NRG1: variants seen among roughly 807,000 people sequenced by gnomAD.
The protein encoded by NRG1 is pro-neuregulin-1, membrane-bound isoform.
Under a neutral mutation model 63.8 loss-of-function variants are expected in NRG1, and 18 were observed. That is an observed-to-expected ratio of 0.28 (90% CI 0.19 to 0.42). The LOEUF is 0.42. Ranked by LOEUF, NRG1 falls within the 10% of genes least tolerant of loss-of-function variation. The pLI, the probability that NRG1 is intolerant of heterozygous loss-of-function variation, is 1.00. For synonymous variants in NRG1, 302 were observed against 301.3 expected (o/e 1.00, Z -0.02); for missense variants, 762 against 814.7 (o/e 0.94, Z 0.79).
At chr8:32,088,818 C>G (rs540375344) in intron 1 of NRG1, among the ~76,000 whole-genome samples, 4 of 152,108 alleles carry the variant, frequency 2.6e-5, no homozygotes, top group African/African-American at 7.2e-5. Context: ...GCGCCTGGCC[C>G]AGGTCATCAC....
chr8:32,725,464 A>AT (rs71209904), intron 5 of NRG1, among the ~76,000 whole-genome samples: 969 of 67,586 alleles, frequency 0.014, 71 homozygotes, highest in African/African-American at 0.023. Context: ...AAACTTCCTA[A>AT]TTTTTTTTTT....
chr8:32,690,494 AGTACCTC>A (rs1324400422), intron 5 of NRG1, among the ~76,000 whole-genome samples: 1 of 152,160 alleles, frequency 6.6e-6, no homozygotes, highest in Non-Finnish European at 1.5e-5. Flanking sequence ...GCCTCAGCTA[AGTACCTC>A]CTGCTGCATT....
At chr8:32,048,115 G>C (rs540571104) in intron 1 of NRG1, among the ~76,000 whole-genome samples, 1 of 151,730 alleles carries the variant, frequency 6.6e-6, no homozygotes, top group African/African-American at 2.4e-5. Flanking sequence ...ATTTTATTTT[G>C]TATATGTAAC....
At chr8:32,189,325 C>G (rs762740564) in intron 1 of NRG1, among the ~76,000 whole-genome samples, 1 of 151,972 alleles carries the variant, frequency 6.6e-6, no homozygotes, top group African/African-American at 2.4e-5. Flanking sequence ...TAAGTGAGAA[C>G]GTGTAGTATT....
chr8:31,649,231 G>A (rs977510448), intron 1 of NRG1, among the ~76,000 whole-genome samples: 4 of 152,186 alleles, frequency 2.6e-5, no homozygotes, highest in East Asian at 1.9e-4. Flanking sequence ...CTGGATTACA[G>A]GAGTGAGCCA....
At chr8:32,299,612 C>A (rs1189879211) in intron 1 of NRG1, among the ~76,000 whole-genome samples, 2 of 152,092 alleles carry the variant, frequency 1.3e-5, no homozygotes, top group African/African-American at 4.8e-5. Context: ...CAAGACTGGG[C>A]AATTTATAAA....
chr8:31,846,088 C>A (rs1182460968), intron 1 of NRG1, among the ~76,000 whole-genome samples: 1 of 152,182 alleles, frequency 6.6e-6, no homozygotes, highest in East Asian at 1.9e-4. Context: ...GCAGGGTAAG[C>A]AATCTTTTCA....
intron 1 of NRG1, among the ~76,000 whole-genome samples, chr8:32,175,282 C>T (rs1473491969): frequency 2.0e-5 from 3 of 152,146 alleles, no homozygotes; most frequent in Admixed American, 6.5e-5. Flanking sequence ...AATTCAACAA[C>T]TCTTCATGCT....
chr8:32,376,356 T>C (rs527602705), intron 1 of NRG1, among the ~76,000 whole-genome samples: 1 of 152,156 alleles, frequency 6.6e-6, no homozygotes, highest in Non-Finnish European at 1.5e-5. Flanking sequence ...ACTCTTTTTT[T>C]CTTTGGGGAG....
chr8:32,305,824 G>A (rs531839894), intron 1 of NRG1, among the ~76,000 whole-genome samples: 1 of 152,296 alleles, frequency 6.6e-6, no homozygotes, highest in East Asian at 1.9e-4. Flanking sequence ...TCACGTGCAT[G>A]TTCAAGTTCT....
intron 7 of NRG1, among the ~76,000 whole-genome samples, chr8:32,744,575 A>C (rs1827089986): frequency 6.6e-6 from 1 of 152,160 alleles, no homozygotes. Flanking sequence ...TTTGTATTTA[A>C]ATAACATAGA....
chr8:32,192,410 A>C (rs1260295709), intron 1 of NRG1, among the ~76,000 whole-genome samples: 1 of 152,196 alleles, frequency 6.6e-6, no homozygotes, highest in Non-Finnish European at 1.5e-5. Context: ...ACGCAGCCAT[A>C]CAAAAGGTAT....
At chr8:32,105,146 C>G (rs1563792281) in intron 1 of NRG1, among the ~76,000 whole-genome samples, 1 of 152,066 alleles carries the variant, frequency 6.6e-6, no homozygotes, top group African/African-American at 2.4e-5. Flanking sequence ...TATGATGTCA[C>G]TAAGTGATAG....
At chr8:31,921,681 A>G (rs773528938) in intron 1 of NRG1, among the ~76,000 whole-genome samples, 4 of 152,192 alleles carry the variant, frequency 2.6e-5, no homozygotes, top group African/African-American at 4.8e-5. Flanking sequence ...AGACTTGGTC[A>G]TTAGTTCATT....
At chr8:32,090,900 A>G (rs2131264366) in intron 1 of NRG1, among the ~76,000 whole-genome samples, 1 of 152,280 alleles carries the variant, frequency 6.6e-6, no homozygotes, top group Middle Eastern at 3.4e-3. Context: ...ATTATGACCA[A>G]AATTAAATCT....
chr8:32,654,164 A>G (rs1456008459), intron 5 of NRG1, among the ~76,000 whole-genome samples: 6 of 152,176 alleles, frequency 3.9e-5, no homozygotes, highest in Admixed American at 1.3e-4. Context: ...ACTAAAACTG[A>G]AGTCATCCTT....
intron 1 of NRG1, among the ~76,000 whole-genome samples, chr8:31,867,262 T>TC (rs1301292987): frequency 6.6e-6 from 1 of 152,184 alleles, no homozygotes; most frequent in Non-Finnish European, 1.5e-5. Context: ...ACGAGCTCTT[T>TC]CCTATTAACC....
At chr8:32,612,396 G>T (rs931112440) in intron 3 of NRG1, among the ~76,000 whole-genome samples, 1 of 152,098 alleles carries the variant, frequency 6.6e-6, no homozygotes, top group South Asian at 2.1e-4. Context: ...GACTCCTTTG[G>T]TGTAGAAGTA....
At chr8:32,176,720 T>C (rs898316213) in intron 1 of NRG1, among the ~76,000 whole-genome samples, 7 of 151,964 alleles carry the variant, frequency 4.6e-5, no homozygotes, top group Non-Finnish European at 1.0e-4. Context: ...AAAAGACACA[T>C]GAAAAAATGC....
Sources: gnomAD v4.1 joint callset for allele counts (sites outside exome capture counted in the v4.1 genomes callset) on GRCh38, gnomAD v4.1.1 for gene constraint, MANE v1.5 for transcripts, NCBI Gene and HGNC (gene_info 2026-07-23, HGNC 2026-07-21) for gene names.